The following SETD1B variants were observed in gnomAD, a reference collection of about 807,000 sequenced individuals.
SETD1B encodes the protein SET domain containing 1B, histone lysine methyltransferase, also known as histone-lysine N-methyltransferase SETD1B.
A neutral mutation model predicts 148.0 loss-of-function variants in SETD1B; 7 were observed. The observed-to-expected ratio is 0.05, with a 90% CI of 0.03 to 0.09. The LOEUF is 0.09. SETD1B is among the 10% of genes least tolerant of loss of function. The pLI, the probability that SETD1B is intolerant of heterozygous loss-of-function variation, is 1.00. For synonymous variants in SETD1B, 1,361 were observed against 1,186.5 expected (o/e 1.15, Z -3.02); for missense variants, 2,155 against 2,729.9 (o/e 0.79, Z 4.69).
At chr12:121,797,968 G>C in the SETD1B span, 3 of 239,228 alleles carry the variant, frequency 1.3e-5, no homozygotes, top group East Asian at 4.0e-4. Context: ...ACGGCTCATC[G>C]GGGATTGAAG....
chr12:121,805,732 G>A lies in SETD1B; in HGVS notation c.274-103G>A. 1 of 937,644 alleles carries A rather than the reference G, an allele frequency of 1.1e-6. No homozygotes were observed. The highest frequency in any genetic ancestry group is 1.5e-6 in the Non-Finnish European group (1 of 687,344). 58.1% of individuals were successfully genotyped at this position (937,644 alleles called of 1,614,324 possible). On this transcript the variant is annotated intron_variant, in intron 3 of 16. Transcript: ENST00000604567. This position sits in a 1 kb window ranked among gnomAD's most constrained non-coding sequence, Gnocchi z 4.2. The stretch of plus-strand genomic sequence containing the variant: ...ATTTTTAGTTTTTTTACCCTTTATT[G>A]TTTTCAACGGGTGGGCGAGTTGCGG...
rs1821985361 is a variant in SETD1B, at chr12:121,819,495, C to G, written c.3510C>G (p.Ser1170=). ...CTGAGTTTGAGTCAAGCTCCGAGTC[C>G]TCGCCCTCATCCTCGGAGGATGAGG... The part of the protein sequence containing the change: ...ESSEFESSSE[S]SPSSSEDEEE... The change falls in exon 11 of 17, where the codon TCC becomes TCG. Residue 1170 remains serine (S), a synonymous_variant. Coordinates refer to ENST00000604567, the MANE Select transcript of SETD1B (RefSeq NM_001353345.2). The G allele has an allele frequency of 6.4e-7, 1 of 1,552,138 alleles. No individual in the cohort carries two copies. Among genetic ancestry groups the G allele is most frequent in the Admixed American group, 2.0e-5 (1 of 50,978 alleles).
rs1350095829 is a variant in SETD1B, at chr12:121,808,072, CAG to C, written c.545-135_545-134del. Reference sequence around the variant, plus strand: ...AGCGAGGTGCAGAGGGGTGGGAACTCAGGGCCACACAGCCTCCCTAGGACTGG... The same window carrying C: ...AGCGAGGTGCAGAGGGGTGGGAACTCGGCCACACAGCCTCCCTAGGACTGG... On this transcript the variant is annotated intron_variant, in intron 4 of 16. Coordinates refer to ENST00000604567, the MANE Select transcript of SETD1B (RefSeq NM_001353345.2). This position sits in a 1 kb window ranked among gnomAD's most constrained non-coding sequence, Gnocchi z 5.3. The C allele has an allele frequency of 2.7e-5, 17 of 631,516 alleles. No homozygotes were observed. The highest frequency in any genetic ancestry group is 5.8e-5 in the South Asian group (3 of 51,592). The allele number at this position is 631,516 out of a possible 1,614,324, so 39.1% of individuals were successfully genotyped here. A position where few individuals can be genotyped will look rare whatever the true frequency, so the allele number is the denominator to read the frequency against.
chr12:121,800,849 T>C (rs1366496249), upstream of SETD1B: 4 of 150,502 alleles, frequency 2.7e-5, no homozygotes, highest in Non-Finnish European at 5.9e-5. Flanking sequence ...GGGCCCGACC[T>C]GGCCGCGGGC....
At chr12:121,827,393 C>G in intron 13 of SETD1B, 126 bp from the exon 14 acceptor site, 1 of 1,210,130 alleles carries the variant, frequency 8.3e-7, no homozygotes. Flanking sequence ...AATTAGGGAC[C>G]GACAGGTGTG....
At position 121,830,253 on chromosome 12, in the gene SETD1B, A is replaced by C; in HGVS notation, c.*14A>C. ...ACCCTCAACTAGGCCCCGGCACCAG[A>C]CTCAAAGGATGTCAGCCGTAGCCCT... On this transcript the variant is annotated 3_prime_UTR_variant, in exon 17 of 17. Coordinates refer to ENST00000604567, the MANE Select transcript of SETD1B (RefSeq NM_001353345.2). This position sits in a 1 kb window ranked among gnomAD's most constrained non-coding sequence, Gnocchi z 5.7. 1 of 1,547,136 alleles carries C rather than the reference A, an allele frequency of 6.5e-7. No individual in the cohort carries two copies. The highest frequency in any genetic ancestry group is 8.7e-7 in the Non-Finnish European group (1 of 1,145,394).
At chr12:121,812,231 G>A (rs1008889896) in intron 6 of SETD1B, among the ~76,000 whole-genome samples, 12 of 152,170 alleles carry the variant, frequency 7.9e-5, no homozygotes, top group Admixed American at 7.9e-4. Context: ...CATCCTAGGT[G>A]GGGGAGCGGC....
chr12:121,808,222 C>T lies in SETD1B; in HGVS notation c.559C>T (p.Arg187Trp), dbSNP rs1328538290. 1.3e-6 allele frequency: 2 copies of T among 1,551,088 alleles called. No homozygotes were observed. The highest frequency in any genetic ancestry group is 8.7e-7 in the Non-Finnish European group (1 of 1,146,622). ...CCCATCTACAGGGGAAACCCGAATG[C>T]GGTTCTATGAACTGTTGGTCACTGG... is the stretch of plus-strand genomic sequence containing the variant. ...ELDTKGETRM[R>W]FYELLVTGRY... The change falls in exon 5 of 17, where the codon CGG becomes TGG. Residue 187 changes from arginine (R) to tryptophan (W), a missense_variant. By Grantham distance (101) the Arg-to-Trp change is moderately radical (BLOSUM62 -3). This residue lies in a region of SETD1B where 124 missense variants were observed against 282.9 expected (regional missense o/e 0.44). Coordinates refer to ENST00000604567, the MANE Select transcript of SETD1B (RefSeq NM_001353345.2). This position sits in a 1 kb window ranked among gnomAD's most constrained non-coding sequence, Gnocchi z 5.3.
intron 7 of SETD1B, among the ~76,000 whole-genome samples, chr12:121,816,760 T>C (rs948455524): frequency 6.6e-6 from 1 of 152,216 alleles, no homozygotes; most frequent in Non-Finnish European, 1.5e-5. Context: ...GTGTAGTTTT[T>C]GGATTGTCTG....
chr12:121,830,256 CAA>C lies in SETD1B; in HGVS notation c.*19_*20del, dbSNP rs1394500454. Reference sequence around the variant, plus strand: ...CTCAACTAGGCCCCGGCACCAGACTCAAAGGATGTCAGCCGTAGCCCTGGGAC... The same window carrying C: ...CTCAACTAGGCCCCGGCACCAGACTCAGGATGTCAGCCGTAGCCCTGGGAC... On this transcript the variant is annotated 3_prime_UTR_variant, in exon 17 of 17. Coordinates refer to ENST00000604567, the MANE Select transcript of SETD1B (RefSeq NM_001353345.2). The surrounding 1 kb of genome is among the most constrained non-coding windows in gnomAD (Gnocchi z 5.7). 1.3e-6 allele frequency: 2 copies of C among 1,546,924 alleles called. No homozygotes were observed. The highest frequency in any genetic ancestry group is 1.7e-6 in the Non-Finnish European group (2 of 1,145,590).
At chr12:121,800,288 G>A (rs758927682), upstream of SETD1B, 45 of 152,198 alleles carry the variant, frequency 3.0e-4, no homozygotes, top group Non-Finnish European at 5.4e-4. Context: ...CTGGAGAGCT[G>A]GGCTGGAGGG....
chr12:121,808,083 A>G lies in SETD1B; in HGVS notation c.545-125A>G, dbSNP rs907314103. The G allele has an allele frequency of 1.5e-6, 1 of 671,252 alleles. No homozygotes were observed. Among genetic ancestry groups the G allele is most frequent in the African/African-American group, 1.8e-5 (1 of 54,690 alleles). The allele number at this position is 671,252 out of a possible 1,614,324, so 41.6% of individuals were successfully genotyped here. A position where few individuals can be genotyped will look rare whatever the true frequency, so the allele number is the denominator to read the frequency against. On this transcript the variant is annotated intron_variant, in intron 4 of 16. Transcript: ENST00000604567. This position sits in a 1 kb window ranked among gnomAD's most constrained non-coding sequence, Gnocchi z 5.3. ...GAGGGGTGGGAACTCAGGGCCACACAGCCTCCCTAGGACTGGGGTCTCGGG... is the reference window on the plus strand; with the variant it reads ...GAGGGGTGGGAACTCAGGGCCACACGGCCTCCCTAGGACTGGGGTCTCGGG...
chr12:121,830,542 T>C lies in SETD1B; in HGVS notation c.*303T>C, dbSNP rs1299880558. 3.5e-6 allele frequency: 1 copy of C among 287,246 alleles called. No homozygotes were observed. Among genetic ancestry groups the C allele is most frequent in the Non-Finnish European group, 6.5e-6 (1 of 153,020 alleles). 17.8% of individuals were successfully genotyped at this position (287,246 alleles called of 1,614,324 possible). ...CTCTCCGTCTCTCCTCCCCTCTCTCTCTTCTCTGTCTCTTCTCTCTCCCAC... is the reference window on the plus strand; with the variant it reads ...CTCTCCGTCTCTCCTCCCCTCTCTCCCTTCTCTGTCTCTTCTCTCTCCCAC... On this transcript the variant is annotated 3_prime_UTR_variant, in exon 17 of 17. Transcript: ENST00000604567. This position sits in a 1 kb window ranked among gnomAD's most constrained non-coding sequence, Gnocchi z 5.7.
At chr12:121,829,428 G>C (rs1471811090) in intron 16 of SETD1B, among the ~76,000 whole-genome samples, 2 of 152,202 alleles carry the variant, frequency 1.3e-5, no homozygotes, top group Non-Finnish European at 2.9e-5. Flanking sequence ...GGAGGCAGAT[G>C]CTCTGGGGCC....
chr12:121,808,152 G>A lies in SETD1B; in HGVS notation c.545-56G>A. 1 of 1,389,652 alleles carries A rather than the reference G, an allele frequency of 7.2e-7. No homozygotes were observed. Among genetic ancestry groups the A allele is most frequent in the South Asian group, 1.3e-5 (1 of 78,122 alleles). 86.1% of individuals were successfully genotyped at this position (1,389,652 alleles called of 1,614,324 possible). A position where few individuals can be genotyped will look rare whatever the true frequency, so the allele number is the denominator to read the frequency against. ...GTGCCACACAGGTTGGAATCCTTGT[G>A]GGGGCTGCCCCATCCTGGAACCTCA... is the stretch of plus-strand genomic sequence containing the variant. On this transcript the variant is annotated intron_variant, in intron 4 of 16. Transcript: ENST00000604567. This position sits in a 1 kb window ranked among gnomAD's most constrained non-coding sequence, Gnocchi z 5.3.
chr12:121,807,142 T>C (rs1339957859), intron 4 of SETD1B, among the ~76,000 whole-genome samples: 1 of 151,872 alleles, frequency 6.6e-6, no homozygotes, highest in African/African-American at 2.4e-5. Flanking sequence ...ATGATTAAAA[T>C]GTATTGACCG....
rs371403353 is a variant in SETD1B, at chr12:121,813,189, G to A, written c.1891-917G>A. Among the ~76,000 whole-genome samples the A allele has an allele frequency of 9.2e-5, 14 of 152,374 alleles. No individual in the cohort carries two copies. The South Asian group carries it at 2.7e-3, about 29-fold the overall frequency. ...ATTAACTGTCAAATGGGTCGGAGCAGAGCCCCCCGCCCTGTGAGGTTATCT... is the reference window on the plus strand; with the variant it reads ...ATTAACTGTCAAATGGGTCGGAGCAAAGCCCCCCGCCCTGTGAGGTTATCT... On this transcript the variant is annotated intron_variant, in intron 6 of 16. Coordinates refer to ENST00000604567, the MANE Select transcript of SETD1B (RefSeq NM_001353345.2).
chr12:121,798,925 C>G, the SETD1B span, among the ~76,000 whole-genome samples: 1 of 152,196 alleles, frequency 6.6e-6, no homozygotes. Context: ...ATGTGCCAAG[C>G]GTGGAACGTG....
In SETD1B at chr12:121,805,113, C is replaced by T; in HGVS notation, c.175-5C>T. 3 of 1,551,554 alleles carry T rather than the reference C, an allele frequency of 1.9e-6. No homozygotes were observed. The highest frequency in any genetic ancestry group is 2.4e-5 in the South Asian group (2 of 84,060). On this transcript the variant is annotated splice_polypyrimidine_tract_variant and splice_region_variant and intron_variant, in intron 2 of 16. Transcript: ENST00000604567. The surrounding 1 kb of genome is among the most constrained non-coding windows in gnomAD (Gnocchi z 4.2). ...TCATCCCGGCCCCCCAATTTCTCCC[C>T]ACAGATGTCCAGCAACCGCCCGGTG...
Sources: gnomAD v4.1 joint callset for allele counts (sites outside exome capture counted in the v4.1 genomes callset) on GRCh38, gnomAD v4.1.1 for gene constraint, gnomAD v4.1.1 regional missense constraint, Gnocchi (gnomAD v3.1) non-coding constraint, MANE v1.5 for transcripts, NCBI Gene and HGNC (gene_info 2026-07-23, HGNC 2026-07-21) for gene names.